The following PHF2 variants were observed in gnomAD, a reference collection of about 807,000 sequenced individuals.
PHF2 encodes lysine-specific demethylase PHF2.
Under a neutral mutation model 120.5 loss-of-function variants are expected in PHF2, and 27 were observed. The observed-to-expected ratio is 0.22, with a 90% confidence interval of 0.17 to 0.31. The LOEUF (loss-of-function observed/expected upper bound fraction) is 0.31, where lower values mean the gene tolerates loss of function less well. PHF2 is among the 10% of genes least tolerant of loss of function. PHF2 has a pLI of 1.00. For synonymous variants in PHF2, 568 were observed against 592.5 expected (o/e 0.96, Z 0.60); for missense variants, 1,024 against 1,434.8 (o/e 0.71, Z 4.63).
At position 93,641,258 on chromosome 9, in the gene PHF2, C is replaced by T. The variant is rs191083758; in HGVS notation, c.300-4371C>T. Among the ~76,000 whole-genome samples the T allele has an allele frequency of 7.9e-4, 120 of 152,324 alleles. 2 individuals carry two copies. The East Asian group carries it at 0.017, about 21-fold the overall frequency. ...GACTTTTGTTATGGAGAACAACACTCTGGATGTATTTAAAAATAGATTCTA... is the reference window on the plus strand; with the variant it reads ...GACTTTTGTTATGGAGAACAACACTTTGGATGTATTTAAAAATAGATTCTA... On this transcript the variant is annotated intron_variant, in intron 3 of 21. Coordinates refer to ENST00000359246, the MANE Select transcript of PHF2 (RefSeq NM_005392.4).
Position 93,665,673 on chromosome 9 carries a change from G to C in PHF2, c.1938-13G>C, listed in dbSNP as rs756921433. ...CTATGTGGATGCTGCTGACCCACTC[G>C]CTTCTGCCCTAGCTCCAAGGCTCTC... On this transcript the variant is annotated splice_polypyrimidine_tract_variant and intron_variant, in intron 14 of 21. Coordinates refer to ENST00000359246, the MANE Select transcript of PHF2 (RefSeq NM_005392.4). 1 of 1,611,856 alleles carries C rather than the reference G, an allele frequency of 6.2e-7. No homozygotes were observed. Among genetic ancestry groups the C allele is most frequent in the Non-Finnish European group, 8.5e-7 (1 of 1,179,040 alleles).
intron 1 of PHF2, among the ~76,000 whole-genome samples, chr9:93,614,984 T>G (rs921658068): frequency 4.6e-5 from 7 of 150,648 alleles, no homozygotes; most frequent in Non-Finnish European, 1.0e-4. Context: ...ACGGTAATGG[T>G]GATGATGATG....
chr9:93,602,695 G>A (rs1825464458), intron 1 of PHF2, among the ~76,000 whole-genome samples: 2 of 152,094 alleles, frequency 1.3e-5, no homozygotes. Flanking sequence ...TGCCACCTGG[G>A]ACCTCGGGTG....
chr9:93,604,677 G>C (rs1392352838), intron 1 of PHF2, among the ~76,000 whole-genome samples: 2 of 152,042 alleles, frequency 1.3e-5, no homozygotes, highest in Non-Finnish European at 2.9e-5. Context: ...TGTTAGCCAG[G>C]ATGGCCTCGA....
chr9:93,659,544 C>A lies in PHF2; in HGVS notation c.1273C>A (p.His425Asn). 6.2e-7 allele frequency: 1 copy of A among 1,614,134 alleles called. No homozygotes were observed. The highest frequency in any genetic ancestry group is 8.5e-7 in the Non-Finnish European group (1 of 1,180,026). The part of the protein sequence containing the change: ...LAEHEDELPE[H>N]FKPSQLIKDL... ...AGAGCATGAGGACGAGCTCCCGGAG[C>A]ACTTCAAACCTTCACAGCTAATCAA... Residue 425 changes from histidine to asparagine, a missense_variant, in exon 11 of 22, where the codon CAC becomes AAC. Physicochemically the swap from His to Asn is moderately conservative, Grantham distance 68. Transcript: ENST00000359246.
At chr9:93,624,037 A>C (rs1468180422) in intron 1 of PHF2, among the ~76,000 whole-genome samples, 2 of 152,250 alleles carry the variant, frequency 1.3e-5, no homozygotes, top group African/African-American at 4.8e-5. Flanking sequence ...CCCAAGGGCA[A>C]GGGCAGTACT....
intron 1 of PHF2, among the ~76,000 whole-genome samples, chr9:93,577,894 C>A (rs932794099): frequency 1.3e-5 from 2 of 152,188 alleles, no homozygotes; most frequent in African/African-American, 4.8e-5. Context: ...TCTGACTTTG[C>A]CTGTGGGATG....
chr9:93,629,962 C>G lies in PHF2; in HGVS notation c.99-8C>G. On this transcript the variant is annotated splice_region_variant and splice_polypyrimidine_tract_variant and intron_variant, in intron 1 of 21. Coordinates refer to ENST00000359246, the MANE Select transcript of PHF2 (RefSeq NM_005392.4). Reference sequence around the variant, plus strand: ...GCCTAGGTAATGGTCTATTTCGTCTCGTTTCAGCTGTGTTGGGGTGGAAGA... The same window carrying G: ...GCCTAGGTAATGGTCTATTTCGTCTGGTTTCAGCTGTGTTGGGGTGGAAGA... 1 of 1,613,946 alleles carries G rather than the reference C, an allele frequency of 6.2e-7. No individual in the cohort carries two copies. Among genetic ancestry groups the G allele is most frequent in the Non-Finnish European group, 8.5e-7 (1 of 1,179,822 alleles).
chr9:93,616,907 C>T (rs145034266), intron 1 of PHF2, among the ~76,000 whole-genome samples: 1,553 of 152,282 alleles, frequency 0.01, 13 homozygotes, highest in Non-Finnish European at 0.018. Flanking sequence ...CCACCCACCT[C>T]GGCCTCCCAA....
At position 93,596,327 on chromosome 9, in the gene PHF2, A is replaced by T. The variant is rs74780057; in HGVS notation, c.98+19456A>T. Among the ~76,000 whole-genome samples, 1,021 of 152,164 alleles carry T rather than the reference A, an allele frequency of 6.7e-3. 15 individuals carry two copies. Among genetic ancestry groups the T allele is most frequent in the African/African-American group, 0.024 (987 of 41,528 alleles). The stretch of plus-strand genomic sequence containing the variant: ...CTTCATTGGGGCCCCTGCATTTTTC[A>T]TTTAGCCCAAATTCAGCACCAGGGA... On this transcript the variant is annotated intron_variant, in intron 1 of 21. Coordinates refer to ENST00000359246, the MANE Select transcript of PHF2 (RefSeq NM_005392.4).
intron 6 of PHF2, among the ~76,000 whole-genome samples, chr9:93,653,738 TG>T (rs1254869901): frequency 1.3e-5 from 2 of 151,980 alleles, no homozygotes; most frequent in East Asian, 3.9e-4. Flanking sequence ...GGCATCTGAG[TG>T]GGCAGGGAAG....
rs80253797 is a variant in PHF2 at position 93,658,001 on chromosome 9, T to C, written c.1148-144T>C. 1,815 of 611,240 alleles carry C rather than the reference T, an allele frequency of 3.0e-3. 24 individuals carry two copies. Among genetic ancestry groups the C allele is most frequent in the African/African-American group, 0.028 (1,532 of 54,222 alleles). 37.9% of individuals were successfully genotyped at this position (611,240 alleles called of 1,614,324 possible). A position where few individuals can be genotyped will look rare whatever the true frequency, so the allele number is the denominator to read the frequency against. On this transcript the variant is annotated intron_variant, in intron 9 of 21. Transcript: ENST00000359246. ...CGCCCCCAGGTTCCAAGAGGAACTG[T>C]TGGCAGTTGAGCTGGTGGCCATGGG... is the stretch of plus-strand genomic sequence containing the variant.
At position 93,676,647 on chromosome 9, in the gene PHF2, C is replaced by T. The variant is rs1178778870; in HGVS notation, c.2886C>T (p.Asn962=). 4 of 1,606,808 alleles carry T rather than the reference C, an allele frequency of 2.5e-6. No individual in the cohort carries two copies. The highest frequency in any genetic ancestry group is 1.7e-5 in the Admixed American group (1 of 58,962). Residue 962 remains asparagine, a synonymous_variant, in exon 21 of 22, where the codon AAC becomes AAT. Transcript: ENST00000359246. Reference sequence around the variant, plus strand: ...GTGCCAAGAGGAAGCTGACTCCTAACACCACCTCCCCTTCCACCTCCACCT... The same window carrying T: ...GTGCCAAGAGGAAGCTGACTCCTAATACCACCTCCCCTTCCACCTCCACCT... The part of the protein sequence containing the change: ...KKSAKRKLTP[N]TTSPSTSTSI...
chr9:93,656,168 T>G lies in PHF2; in HGVS notation c.1040+147T>G. Reference sequence around the variant, plus strand: ...TGACCGTCAGCCTCGGTGGGCCTCTTTGTGATGTGGAGGGAAGGAGGAGGT... The same window carrying G: ...TGACCGTCAGCCTCGGTGGGCCTCTGTGTGATGTGGAGGGAAGGAGGAGGT... On this transcript the variant is annotated intron_variant, in intron 8 of 21. Transcript: ENST00000359246. The surrounding 1 kb of genome is among the most constrained non-coding windows in gnomAD (Gnocchi z 4.1). 1.5e-6 allele frequency: 1 copy of G among 663,744 alleles called. No homozygotes were observed. 41.1% of individuals were successfully genotyped at this position (663,744 alleles called of 1,614,324 possible).
At chr9:93,607,940 TGAGAGAGA>T (rs138717280) in intron 1 of PHF2, among the ~76,000 whole-genome samples, 1 of 128,310 alleles carries the variant, frequency 7.8e-6, no homozygotes, top group South Asian at 2.6e-4. Flanking sequence ...GGGAAAGAGA[TGAGAGAGA>T]GAGAGAGAGA....
chr9:93,634,201 T>A (rs1826053883), intron 2 of PHF2, among the ~76,000 whole-genome samples: 1 of 152,124 alleles, frequency 6.6e-6, no homozygotes, highest in African/African-American at 2.4e-5. Context: ...GAAGGCACTT[T>A]GTGAACTCTG....
intron 1 of PHF2, among the ~76,000 whole-genome samples, chr9:93,613,570 T>TTC (rs1825673739): frequency 2.0e-5 from 3 of 150,378 alleles, no homozygotes; most frequent in Admixed American, 6.6e-5. Flanking sequence ...CTTTTTTTTT[T>TTC]TTTTTTTGAG....
At chr9:93,628,978 C>G (rs1450043193) in intron 1 of PHF2, among the ~76,000 whole-genome samples, 1 of 152,204 alleles carries the variant, frequency 6.6e-6, no homozygotes, top group African/African-American at 2.4e-5. Context: ...CTCACTGCAA[C>G]CTCTGCCTTC....
intron 1 of PHF2, among the ~76,000 whole-genome samples, chr9:93,593,084 CAAAAAAAAAAAAAAAAAA>C (rs200919035): frequency 2.4e-5 from 2 of 83,380 alleles, no homozygotes; most frequent in Admixed American, 1.2e-4. Flanking sequence ...TCCTTTATGC[CAAAAAAAAAAAAAAAAAA>C]AAAAAAAAAG....
Sources: allele counts gnomAD v4.1 joint callset (sites outside exome capture counted in the v4.1 genomes callset), GRCh38; gene constraint gnomAD v4.1.1; non-coding constraint Gnocchi (gnomAD v3.1); transcripts MANE v1.5; gene names NCBI Gene and HGNC (gene_info 2026-07-23, HGNC 2026-07-21).